The following TAF4B variants were observed in gnomAD, a reference collection of about 807,000 sequenced individuals.
The protein encoded by TAF4B is TATA-box binding protein associated factor 4b.
In TAF4B, 38 loss-of-function variants were observed where a neutral mutation model predicts 86.4. That is an observed-to-expected ratio of 0.44 (90% CI 0.34 to 0.58). The LOEUF (loss-of-function observed/expected upper bound fraction) is 0.58, where lower values mean the gene tolerates loss of function less well. Ranked by LOEUF, TAF4B falls within the 20% of genes least tolerant of loss-of-function variation. The pLI is 0.02. For synonymous variants in TAF4B, 388 were observed against 391.2 expected (o/e 0.99, Z 0.10); for missense variants, 988 against 1,027.6 (o/e 0.96, Z 0.53).
intron 13 of TAF4B, among the ~76,000 whole-genome samples, chr18:26,339,440 C>G (rs2057119411): frequency 6.6e-6 from 1 of 152,162 alleles, no homozygotes; most frequent in Non-Finnish European, 1.5e-5. Flanking sequence ...CTCCTCCTAC[C>G]TCACCCTACC....
At chr18:26,346,861 G>GTGTGTGTATA (rs1555623686) in intron 13 of TAF4B, among the ~76,000 whole-genome samples, 2 of 17,758 alleles carry the variant, frequency 1.1e-4, no homozygotes, top group Admixed American at 5.5e-4. Flanking sequence ...ATATATATGT[G>GTGTGTGTATA]TATATATATA....
At chr18:26,311,757 T>A (rs2056856232) in intron 9 of TAF4B, among the ~76,000 whole-genome samples, 1 of 152,162 alleles carries the variant, frequency 6.6e-6, no homozygotes, top group Admixed American at 6.5e-5. Flanking sequence ...CTGTGGTCAT[T>A]ACCTGGAAGA....
chr18:26,230,966 C>G (rs1429922261), intron 1 of TAF4B, among the ~76,000 whole-genome samples: 5 of 149,072 alleles, frequency 3.4e-5, no homozygotes, highest in African/African-American at 9.9e-5. Flanking sequence ...AGTATATGTT[C>G]ATGTGAAAAT....
intron 12 of TAF4B, among the ~76,000 whole-genome samples, chr18:26,333,323 C>A (rs973514373): frequency 6.7e-6 from 1 of 150,288 alleles, no homozygotes; most frequent in Non-Finnish European, 1.5e-5. Context: ...CAGGTTCAAA[C>A]GATTCTTAGG....
chr18:26,366,537 C>G (rs1024396455), intron 14 of TAF4B: 2 of 152,174 alleles, frequency 1.3e-5, no homozygotes, highest in African/African-American at 4.8e-5. Flanking sequence ...CTATGTCTGC[C>G]ATGCTTATAA....
chr18:26,256,462 C>T, intron 1 of TAF4B: 2 of 660,932 alleles, frequency 3.0e-6, no homozygotes, highest in South Asian at 1.8e-5. Context: ...GCACTCCCTA[C>T]TCCAGTTTTG....
chr18:26,236,497 G>T (rs1598707666), intron 1 of TAF4B, among the ~76,000 whole-genome samples: 1 of 152,174 alleles, frequency 6.6e-6, no homozygotes, highest in Admixed American at 6.5e-5. Flanking sequence ...CTGGTCGGGG[G>T]CCTCTGGCTC....
At chr18:26,325,250 G>A (rs904421430) in intron 11 of TAF4B, among the ~76,000 whole-genome samples, 38 of 152,168 alleles carry the variant, frequency 2.5e-4, no homozygotes, top group Non-Finnish European at 2.8e-4. Context: ...TTTTCCAGTT[G>A]AAAGGTGCTA....
chr18:26,307,673 T>C (rs1056606024), intron 9 of TAF4B, among the ~76,000 whole-genome samples: 4 of 152,190 alleles, frequency 2.6e-5, no homozygotes, highest in African/African-American at 4.8e-5. Flanking sequence ...GAAAATAATA[T>C]AGGACCAGAT....
chr18:26,373,949 A>T (rs532735649), intron 14 of TAF4B, among the ~76,000 whole-genome samples: 9 of 152,204 alleles, frequency 5.9e-5, no homozygotes, highest in Non-Finnish European at 1.3e-4. Context: ...TTAGGGATGT[A>T]CGAGGGGAGC....
intron 3 of TAF4B, among the ~76,000 whole-genome samples, chr18:26,273,472 T>C (rs2056345500): frequency 6.6e-6 from 1 of 152,066 alleles, no homozygotes; most frequent in South Asian, 2.1e-4. Flanking sequence ...TGAAGGCCCA[T>C]ATACCCCAAA....
At chr18:26,229,705 G>A (rs1445419144) in intron 1 of TAF4B, among the ~76,000 whole-genome samples, 2 of 151,940 alleles carry the variant, frequency 1.3e-5, no homozygotes, top group African/African-American at 2.4e-5. Context: ...GTTTCACCAT[G>A]TTGGCCAGGC....
intron 5 of TAF4B, among the ~76,000 whole-genome samples, chr18:26,278,397 C>T (rs147132411): frequency 3.9e-5 from 6 of 152,046 alleles, no homozygotes; most frequent in Non-Finnish European, 7.4e-5. Flanking sequence ...CTCAAACTTA[C>T]GGGCTCAAGG....
chr18:26,295,215 A>G (rs1423805082), intron 9 of TAF4B: 2 of 414,310 alleles, frequency 4.8e-6, no homozygotes. Context: ...ATATGCGTAT[A>G]TTAAAATGTT....
At chr18:26,324,531 G>T (rs573237807) in intron 11 of TAF4B, among the ~76,000 whole-genome samples, 2 of 152,186 alleles carry the variant, frequency 1.3e-5, no homozygotes, top group Non-Finnish European at 2.9e-5. Context: ...GCTCTATTGT[G>T]TATAGCTTTC....
intron 14 of TAF4B, among the ~76,000 whole-genome samples, chr18:26,363,654 A>G (rs117934306): frequency 0.021 from 3,143 of 152,294 alleles, 48 homozygotes; most frequent in Middle Eastern, 0.075. Flanking sequence ...AGAAACCTTT[A>G]TTCACTTGCT....
At chr18:26,238,857 G>C (rs542097595) in intron 1 of TAF4B, among the ~76,000 whole-genome samples, 1 of 152,124 alleles carries the variant, frequency 6.6e-6, no homozygotes, top group Admixed American at 6.5e-5. Context: ...TTCAGTCCTT[G>C]CAGTAGATTG....
chr18:26,315,782 A>C (rs117407242), intron 10 of TAF4B, among the ~76,000 whole-genome samples: 6,352 of 152,264 alleles, frequency 0.042, 176 homozygotes, highest in Non-Finnish European at 0.059. Flanking sequence ...CAAAGAAAGT[A>C]ACTCCCTTTC....
Position 26,265,324 on chromosome 18 carries a change from C to T in TAF4B, c.489+9C>T, listed in dbSNP as rs370774044. 7 of 1,578,196 alleles carry T rather than the reference C, an allele frequency of 4.4e-6. No individual in the cohort carries two copies. Among genetic ancestry groups the T allele is most frequent in the Middle Eastern group, 1.7e-4 (1 of 5,910 alleles). ...AAATCTGTACAGTGCCGGTAATATA[C>T]CTTAAATATTTTTCATCTTTCTTTG... is the stretch of plus-strand genomic sequence containing the variant. On this transcript the variant is annotated intron_variant, in intron 2 of 14. Coordinates refer to ENST00000269142, the MANE Select transcript of TAF4B (RefSeq NM_005640.3).
Sources: allele counts gnomAD v4.1 joint callset (sites outside exome capture counted in the v4.1 genomes callset), GRCh38; gene constraint gnomAD v4.1.1; transcripts MANE v1.5; gene names NCBI Gene and HGNC (gene_info 2026-07-23, HGNC 2026-07-21).